OPCML: variants seen among roughly 807,000 people sequenced by gnomAD.
OPCML encodes the protein opioid binding protein/cell adhesion molecule like.
In OPCML, 13 loss-of-function variants were observed where a neutral mutation model predicts 37.8. That is an observed-to-expected ratio of 0.34 (90% CI 0.22 to 0.55). OPCML has a LOEUF of 0.55. OPCML is among the 20% of genes least tolerant of loss of function. The probability of loss-of-function intolerance (pLI) is 0.91; values close to 1 mark genes in which losing one functional copy is unlikely to be tolerated. For synonymous variants in OPCML, 176 were observed against 168.8 expected, an observed-to-expected ratio of 1.04 and a Z score of -0.33; for missense variants, 341 against 435.6, an observed-to-expected ratio of 0.78 and a Z score of 1.93.
intron 1 of OPCML, among the ~76,000 whole-genome samples, chr11:133,517,963 C>G (rs1340906733): frequency 6.6e-6 from 1 of 152,160 alleles, no homozygotes; most frequent in Non-Finnish European, 1.5e-5. Context: ...TTCTGACACC[C>G]AGGAAGCAGT....
chr11:132,819,204 T>A (rs534131556), intron 2 of OPCML, among the ~76,000 whole-genome samples: 1 of 152,138 alleles, frequency 6.6e-6, no homozygotes, highest in South Asian at 2.1e-4. Context: ...TTCCTTTATA[T>A]GCAATGTCTG....
chr11:132,783,227 C>T (rs1163632583), intron 2 of OPCML, among the ~76,000 whole-genome samples: 1 of 152,042 alleles, frequency 6.6e-6, no homozygotes, highest in Non-Finnish European at 1.5e-5. Flanking sequence ...GGATTCGGAG[C>T]TGAGTAGAAA....
chr11:132,616,194 A>C (rs981293617), intron 3 of OPCML, among the ~76,000 whole-genome samples: 11 of 152,218 alleles, frequency 7.2e-5, no homozygotes, highest in African/African-American at 2.7e-4. Flanking sequence ...ATGAGATATG[A>C]ACTATTTTTT....
chr11:133,315,137 A>G (rs754135648), intron 1 of OPCML, among the ~76,000 whole-genome samples: 1 of 152,166 alleles, frequency 6.6e-6, no homozygotes, highest in Non-Finnish European at 1.5e-5. Context: ...GGAACTTAGT[A>G]TTTTCTTAAC....
chr11:132,648,394 C>T (rs1023746244), intron 3 of OPCML, among the ~76,000 whole-genome samples: 1 of 152,166 alleles, frequency 6.6e-6, no homozygotes, highest in Non-Finnish European at 1.5e-5. Flanking sequence ...ACATAACAGG[C>T]ATTTCATTTT....
chr11:132,744,955 G>C (rs79356580), intron 2 of OPCML, among the ~76,000 whole-genome samples: 5,511 of 151,906 alleles, frequency 0.036, 203 homozygotes, highest in African/African-American at 0.092. Context: ...TCAAGGAAGT[G>C]AACGAGCTCC....
At chr11:132,621,803 T>C (rs908630297) in intron 3 of OPCML, among the ~76,000 whole-genome samples, 2 of 152,028 alleles carry the variant, frequency 1.3e-5, no homozygotes, top group Non-Finnish European at 2.9e-5. Flanking sequence ...ACTGCTCTCT[T>C]CCTGAGGTTT....
At chr11:133,289,736 C>T (rs1347434960) in intron 1 of OPCML, among the ~76,000 whole-genome samples, 13 of 152,200 alleles carry the variant, frequency 8.5e-5, no homozygotes, top group East Asian at 1.9e-4. Flanking sequence ...CTGAACTGAG[C>T]GCACTGAGGT....
Position 133,019,426 on chromosome 11 carries a change from A to G in OPCML, c.62-76416T>C, listed in dbSNP as rs143780340. ...AGTGAGGTCAGGCGGCCCCTTCTCC[A>G]TGTCTCTCCATGCGGACACCACTTG... On this transcript the variant is annotated intron_variant, in intron 1 of 7. Transcript: ENST00000524381. 1.0e-3 allele frequency among the ~76,000 whole-genome samples: 156 copies of G among 152,278 alleles called. 1 individual carries two copies. The highest frequency in any genetic ancestry group is 3.4e-3 in the Middle Eastern group (1 of 294).
At chr11:132,598,823 T>A (rs185823509) in intron 3 of OPCML, among the ~76,000 whole-genome samples, 2,687 of 152,248 alleles carry the variant, frequency 0.018, 64 homozygotes, top group African/African-American at 0.059. Flanking sequence ...ATGTTTTTTT[T>A]AAAAAAATTT....
intron 2 of OPCML, among the ~76,000 whole-genome samples, chr11:132,801,823 A>G (rs566053787): frequency 1.1e-4 from 17 of 152,320 alleles, no homozygotes; most frequent in Admixed American, 3.3e-4. Flanking sequence ...GCCATACAGT[A>G]TTCTATGTGC....
At chr11:133,512,207 C>G (rs544532432) in intron 1 of OPCML, among the ~76,000 whole-genome samples, 2 of 152,358 alleles carry the variant, frequency 1.3e-5, no homozygotes, top group East Asian at 3.9e-4. Flanking sequence ...GGATTTGTCC[C>G]AAACCTACTT....
intron 1 of OPCML, among the ~76,000 whole-genome samples, chr11:133,155,853 C>A (rs1950054523): frequency 6.6e-6 from 1 of 152,182 alleles, no homozygotes; most frequent in Non-Finnish European, 1.5e-5. Context: ...TCCTGGGGAC[C>A]ATCCCTGCTC....
chr11:133,095,619 C>T (rs1290464029), intron 1 of OPCML, among the ~76,000 whole-genome samples: 1 of 145,304 alleles, frequency 6.9e-6, no homozygotes, highest in Non-Finnish European at 1.5e-5. Context: ...TTTGGAACTA[C>T]TGATACAGTA....
chr11:133,294,771 T>C (rs1204892152), intron 1 of OPCML, among the ~76,000 whole-genome samples: 1 of 147,940 alleles, frequency 6.8e-6, no homozygotes, highest in African/African-American at 2.5e-5. Flanking sequence ...AGGGCAAACC[T>C]GCAAACAGAA....
intron 2 of OPCML, among the ~76,000 whole-genome samples, chr11:132,887,247 A>T (rs540093400): frequency 5.9e-5 from 9 of 152,352 alleles, no homozygotes; most frequent in Non-Finnish European, 1.0e-4. Flanking sequence ...GCCTAGGAGC[A>T]GTCGGCTCCA....
At chr11:133,528,881 G>C (rs1948545087) in intron 1 of OPCML, among the ~76,000 whole-genome samples, 1 of 151,946 alleles carries the variant, frequency 6.6e-6, no homozygotes, top group Admixed American at 6.6e-5. Context: ...AAGAAGAAGG[G>C]GACAAACAGG....
At chr11:132,691,377 C>T (rs759679553) in intron 2 of OPCML, among the ~76,000 whole-genome samples, 2 of 152,192 alleles carry the variant, frequency 1.3e-5, no homozygotes, top group Admixed American at 6.5e-5. Context: ...AAAGCCATTG[C>T]AGAAAAATAA....
At chr11:132,740,233 CTATT>C in intron 2 of OPCML, among the ~76,000 whole-genome samples, 1 of 152,294 alleles carries the variant, frequency 6.6e-6, no homozygotes, top group East Asian at 1.9e-4. Context: ...TGTGATGTAT[CTATT>C]TATGTGCTCT....
Sources: allele counts gnomAD v4.1 joint callset (sites outside exome capture counted in the v4.1 genomes callset), GRCh38; gene constraint gnomAD v4.1.1; transcripts MANE v1.5; gene names NCBI Gene and HGNC (gene_info 2026-07-23, HGNC 2026-07-21).